Variants in DMD observed in about 807,000 individuals in gnomAD.
DMD encodes the protein mutant dystrophin.
A neutral mutation model predicts 330.1 loss-of-function variants in DMD; 63 were observed. The ratio of observed to expected loss-of-function variants is 0.19; its 90% CI spans 0.16 to 0.24. The LOEUF (loss-of-function observed/expected upper bound fraction) is 0.24, where lower values mean the gene tolerates loss of function less well. DMD is among the 10% of genes least tolerant of loss of function. The pLI, the probability that DMD is intolerant of heterozygous loss-of-function variation, is 1.00. For synonymous variants in DMD, 1,223 were observed against 959.8 expected, an observed-to-expected ratio of 1.27 and a Z score of -5.07; for missense variants, 3,344 against 2,684.1, an observed-to-expected ratio of 1.25 and a Z score of -5.43.
chrX:32,099,577 T>A (rs376773585), intron 44 of DMD, among the ~76,000 whole-genome samples: 3 of 109,027 alleles, frequency 2.8e-5, no homozygotes, highest in East Asian at 5.9e-4. Context: ...AAATGATGAG[T>A]TCATGTCCTT....
chrX:31,241,802 A>G lies in DMD; in HGVS notation c.9287-18681T>C, dbSNP rs185344958. On this transcript the variant is annotated intron_variant, in intron 63 of 78. Coordinates refer to ENST00000357033, the MANE Select transcript of DMD (RefSeq NM_004006.3). ...TAACTGTCCTTAAACTCACCCACCA[A>G]ATTCCTATTCCAAAACACAGAAGAC... 5.4e-5 allele frequency among the ~76,000 whole-genome samples: 6 copies of G among 111,153 alleles called. No individual in the cohort carries two copies. In the East Asian group the frequency reaches 1.7e-3, roughly 31 times the overall value.
chrX:31,136,371 G>A (rs1327297500), intron 76 of DMD, among the ~76,000 whole-genome samples: 1 of 111,437 alleles, frequency 9.0e-6, no homozygotes, highest in South Asian at 3.8e-4. Context: ...TTTTTCTTGC[G>A]GTTTTAAACT....
chrX:31,208,053 C>A (rs1044892991), intron 65 of DMD, among the ~76,000 whole-genome samples: 1 of 111,345 alleles, frequency 9.0e-6, no homozygotes, highest in African/African-American at 3.3e-5. Context: ...TATTTTATTA[C>A]GGAAAGCTAC....
At chrX:31,272,462 T>C (rs761003285) in intron 62 of DMD, among the ~76,000 whole-genome samples, 3 of 112,400 alleles carry the variant, frequency 2.7e-5, no homozygotes, top group African/African-American at 9.7e-5. Context: ...TAACTATTTG[T>C]CTGCCTTTCC....
rs994401063 is a variant in DMD at position 32,448,571 on chromosome X, A to G, written c.3671T>C (p.Val1224Ala). 8.3e-7 allele frequency: 1 copy of G among 1,208,537 alleles called. No individual in the cohort carries two copies. Among genetic ancestry groups the G allele is most frequent in the East Asian group, 3.0e-5 (1 of 33,718 alleles). ...TGCTACAGGTGGAGCTTGAGCTATG[A>G]CACTATTTACAGACTCAGTAAGGAG... ...VKLLTESVNS[V>A]IAQAPPVAQE... Residue 1224 changes from valine (V) to alanine (A), a missense_variant, in exon 27 of 79, where the codon GTC (valine) becomes GCC (alanine). Val to Ala is a moderately conservative substitution (Grantham distance 64). Coordinates refer to ENST00000357033, the MANE Select transcript of DMD (RefSeq NM_004006.3).
chrX:32,667,973 C>T (rs2061415652), intron 9 of DMD, among the ~76,000 whole-genome samples: 4 of 92,625 alleles, frequency 4.3e-5, no homozygotes, highest in Admixed American at 4.3e-4. Flanking sequence ...AACCTTGTCA[C>T]TATTTAAAAA....
chrX:32,415,353 C>T (rs181235537), intron 29 of DMD, among the ~76,000 whole-genome samples: 141 of 111,930 alleles, frequency 1.3e-3, no homozygotes, highest in African/African-American at 4.2e-3. Flanking sequence ...CCTGGCCTGA[C>T]AGTCAATAAG....
At chrX:31,338,511 AC>A (rs1463218788) in intron 61 of DMD, among the ~76,000 whole-genome samples, 2 of 109,467 alleles carry the variant, frequency 1.8e-5, no homozygotes, top group Non-Finnish European at 3.8e-5. Flanking sequence ...CAAAGTAGGG[AC>A]AATTTGTTCT....
At chrX:32,713,084 ATT>A (rs1320727090) in intron 7 of DMD, among the ~76,000 whole-genome samples, 2 of 111,914 alleles carry the variant, frequency 1.8e-5, no homozygotes, top group Admixed American at 9.5e-5. Context: ...CCATTAAATT[ATT>A]TCTCTATCAT....
intron 2 of DMD, among the ~76,000 whole-genome samples, chrX:32,946,495 C>T (rs946270811): frequency 2.7e-5 from 3 of 111,829 alleles, no homozygotes; most frequent in African/African-American, 6.5e-5. Context: ...AAAAATCTAA[C>T]GTAAATTCAA....
chrX:32,389,811 A>C (rs1346435021), intron 31 of DMD, 137 bp from the exon 32 acceptor site: 1 of 650,479 alleles, frequency 1.5e-6, no homozygotes, highest in Non-Finnish European at 2.4e-6. Flanking sequence ...GTATTTTTCC[A>C]TTCATCCAAC....
chrX:33,055,035 T>C (rs1279955634), intron 1 of DMD, among the ~76,000 whole-genome samples: 1 of 111,816 alleles, frequency 8.9e-6, no homozygotes, highest in Non-Finnish European at 1.9e-5. Context: ...AGAGTTGTTA[T>C]TGCTATGGAT....
At chrX:32,012,432 A>T (rs189909036) in intron 44 of DMD, among the ~76,000 whole-genome samples, 1 of 111,797 alleles carries the variant, frequency 8.9e-6, no homozygotes. Context: ...GTCACCCCCT[A>T]GGTGTCTCCC....
At chrX:31,269,289 T>C (rs190372264) in intron 62 of DMD, among the ~76,000 whole-genome samples, 1 of 111,875 alleles carries the variant, frequency 8.9e-6, no homozygotes, top group African/African-American at 3.2e-5. Flanking sequence ...AGTGATGCCA[T>C]GTATGATAAT....
intron 51 of DMD, among the ~76,000 whole-genome samples, chrX:31,767,912 C>A (rs2090102385): frequency 8.9e-6 from 1 of 111,774 alleles, no homozygotes; most frequent in African/African-American, 3.2e-5. Context: ...TTTAAATATA[C>A]ACTATACCCA....
intron 7 of DMD, among the ~76,000 whole-genome samples, chrX:32,733,057 G>C (rs1353029810): frequency 9.2e-6 from 1 of 108,597 alleles, no homozygotes; most frequent in Non-Finnish European, 1.9e-5. Context: ...AAAATAAAAG[G>C]ATGGAGGAAG....
intron 1 of DMD, among the ~76,000 whole-genome samples, chrX:33,331,972 A>G (rs1191035854): frequency 8.9e-6 from 1 of 111,732 alleles, no homozygotes; most frequent in Non-Finnish European, 1.9e-5. Context: ...GTCACATTTT[A>G]TATTGCAATT....
chrX:32,719,791 G>A (rs774969563), intron 7 of DMD, among the ~76,000 whole-genome samples: 1 of 109,433 alleles, frequency 9.1e-6, no homozygotes, highest in Admixed American at 9.9e-5. Context: ...ATATCCAAAT[G>A]CTTGGTGTGC....
intron 11 of DMD, among the ~76,000 whole-genome samples, chrX:32,618,575 T>G (rs2057760332): frequency 9.0e-6 from 1 of 111,055 alleles, no homozygotes; most frequent in South Asian, 3.8e-4. Flanking sequence ...AGCTTATACC[T>G]GGTGATGAAA....
Sources: allele counts gnomAD v4.1 joint callset (sites outside exome capture counted in the v4.1 genomes callset), GRCh38; gene constraint gnomAD v4.1.1; transcripts MANE v1.5; gene names NCBI Gene and HGNC (gene_info 2026-07-23, HGNC 2026-07-21).